The following STAG1 variants were observed in gnomAD, a reference collection of about 807,000 sequenced individuals.
STAG1 encodes the protein cohesin subunit SA-1.
In STAG1, 26 loss-of-function variants were observed where a neutral mutation model predicts 170.9. The ratio of observed to expected loss-of-function variants is 0.15; its 90% CI spans 0.11 to 0.21. The LOEUF is 0.21. Among genes scored for constraint, STAG1 ranks in the 10% least tolerant of loss-of-function variants. The pLI, the probability that STAG1 is intolerant of heterozygous loss-of-function variation, is 1.00. For missense variants in STAG1, 964 were observed against 1,509.5 expected (o/e 0.64, Z 5.99); for synonymous variants, 514 against 497.7 (o/e 1.03, Z -0.44).
In STAG1 at chr3:136,500,162, C is replaced by CA. The variant is rs925996113; in HGVS notation, c.902+60dup. On this transcript the variant is annotated intron_variant, in intron 9 of 33. Coordinates refer to ENST00000383202, the MANE Select transcript of STAG1 (RefSeq NM_005862.3). ...TGAGTTTTACAGTTAGCCTGGGCCACAAAAAAAATCAATAATTGTTTAAGT... is the reference window on the plus strand; with the variant it reads ...TGAGTTTTACAGTTAGCCTGGGCCACAAAAAAAAATCAATAATTGTTTAAGT... The CA allele has an allele frequency of 2.5e-4, 285 of 1,133,028 alleles. 1 individual carries two copies. The highest frequency in any genetic ancestry group is 3.0e-4 in the Non-Finnish European group (233 of 779,116). 70.2% of individuals were successfully genotyped at this position (1,133,028 alleles called of 1,614,324 possible). A position where few individuals can be genotyped will look rare whatever the true frequency, so the allele number is the denominator to read the frequency against.
intron 24 of STAG1, among the ~76,000 whole-genome samples, chr3:136,368,081 T>C (rs1937150031): frequency 6.6e-6 from 1 of 152,252 alleles, no homozygotes; most frequent in South Asian, 2.1e-4. Context: ...GAAGCATCAG[T>C]GGTTTGAGAA....
intron 13 of STAG1, among the ~76,000 whole-genome samples, chr3:136,463,653 G>C (rs1289163017): frequency 6.7e-6 from 1 of 149,968 alleles, no homozygotes; most frequent in Non-Finnish European, 1.5e-5. Context: ...TGAGGTGGGA[G>C]GATCACTTCA....
At chr3:136,611,280 G>A (rs1447167762) in intron 3 of STAG1, among the ~76,000 whole-genome samples, 1 of 151,874 alleles carries the variant, frequency 6.6e-6, no homozygotes, top group Non-Finnish European at 1.5e-5. Flanking sequence ...CTCCCAAGTA[G>A]CTGGGATTAC....
At chr3:136,579,491 T>G (rs966181191) in intron 4 of STAG1, among the ~76,000 whole-genome samples, 5 of 152,198 alleles carry the variant, frequency 3.3e-5, no homozygotes, top group African/African-American at 1.2e-4. Context: ...ATTTCTAAGC[T>G]CACTTAGGTT....
chr3:136,463,683 G>A (rs940453633), intron 13 of STAG1, among the ~76,000 whole-genome samples: 3 of 145,118 alleles, frequency 2.1e-5, no homozygotes, highest in African/African-American at 7.7e-5. Context: ...TTCAAGACCA[G>A]CCTGGGCAAG....
intron 1 of STAG1, among the ~76,000 whole-genome samples, chr3:136,745,763 G>A (rs572979001): frequency 6.6e-6 from 1 of 152,148 alleles, no homozygotes; most frequent in South Asian, 2.1e-4. Context: ...GGCTTCCCTG[G>A]GCCACATTGG....
At chr3:136,750,209 G>C (rs559706884) in intron 1 of STAG1, among the ~76,000 whole-genome samples, 1 of 152,262 alleles carries the variant, frequency 6.6e-6, no homozygotes, top group South Asian at 2.1e-4. Context: ...AAGAGATGGA[G>C]TCTTGTATGT....
At chr3:136,592,537 A>G (rs1480498216) in intron 4 of STAG1, among the ~76,000 whole-genome samples, 1 of 152,158 alleles carries the variant, frequency 6.6e-6, no homozygotes. Context: ...GTGAGAACAA[A>G]CTAATACACT....
At chr3:136,358,312 T>C (rs1936734171) in intron 27 of STAG1, among the ~76,000 whole-genome samples, 2 of 152,084 alleles carry the variant, frequency 1.3e-5, no homozygotes, top group Non-Finnish European at 2.9e-5. Flanking sequence ...CTCAAACTCC[T>C]GGGCTCAAGC....
At chr3:136,350,081 A>G (rs185304404) in intron 28 of STAG1, among the ~76,000 whole-genome samples, 2 of 152,296 alleles carry the variant, frequency 1.3e-5, no homozygotes, top group East Asian at 1.9e-4. Context: ...CGGAGGTTGC[A>G]GTAAGCCAAG....
rs141364970 is a variant in STAG1, at chr3:136,570,560, T to A, written c.298-1699A>T. Among the ~76,000 whole-genome samples, 593 of 152,318 alleles carry A rather than the reference T, an allele frequency of 3.9e-3. 4 individuals are homozygous for A. Among genetic ancestry groups the A allele is most frequent in the Admixed American group, 9.0e-3 (138 of 15,300 alleles). On this transcript the variant is annotated intron_variant, in intron 4 of 33. Coordinates refer to ENST00000383202, the MANE Select transcript of STAG1 (RefSeq NM_005862.3). Reference sequence around the variant, plus strand: ...ATTACAGAACCAAGAGCAGATCTGTTAACACACGTTACACACACGCATCAA... The same window carrying A: ...ATTACAGAACCAAGAGCAGATCTGTAAACACACGTTACACACACGCATCAA...
At chr3:136,585,467 A>C (rs980231913) in intron 4 of STAG1, among the ~76,000 whole-genome samples, 3 of 151,914 alleles carry the variant, frequency 2.0e-5, no homozygotes, top group Non-Finnish European at 2.9e-5. Flanking sequence ...AACATCACAA[A>C]AATTATCTGG....
At chr3:136,508,047 G>A (rs995683431) in intron 7 of STAG1, among the ~76,000 whole-genome samples, 1 of 152,094 alleles carries the variant, frequency 6.6e-6, no homozygotes, top group Non-Finnish European at 1.5e-5. Flanking sequence ...AGGACTGAGT[G>A]GAGAGAGTGA....
chr3:136,417,179 G>A (rs112509223), intron 21 of STAG1, among the ~76,000 whole-genome samples: 27 of 151,980 alleles, frequency 1.8e-4, no homozygotes, highest in African/African-American at 6.0e-4. Context: ...GATTATTATT[G>A]TATCTGTTGA....
At chr3:136,468,245 C>T (rs375709710) in intron 12 of STAG1, among the ~76,000 whole-genome samples, 4 of 151,912 alleles carry the variant, frequency 2.6e-5, no homozygotes, top group East Asian at 3.9e-4. Flanking sequence ...ATCAACAAAA[C>T]TGATAGACCA....
intron 1 of STAG1, among the ~76,000 whole-genome samples, chr3:136,657,015 A>C (rs1342212976): frequency 6.6e-6 from 1 of 151,908 alleles, no homozygotes; most frequent in Non-Finnish European, 1.5e-5. Context: ...ATAGCCAAAA[A>C]AAAAAGAAAC....
At chr3:136,354,897 A>C (rs1296659474) in intron 28 of STAG1, among the ~76,000 whole-genome samples, 4 of 152,138 alleles carry the variant, frequency 2.6e-5, no homozygotes, top group African/African-American at 9.7e-5. Flanking sequence ...TTTAGATTCA[A>C]AGATACAAAG....
intron 1 of STAG1, among the ~76,000 whole-genome samples, chr3:136,677,473 G>A (rs1419522351): frequency 1.3e-5 from 2 of 152,136 alleles, no homozygotes; most frequent in African/African-American, 2.4e-5. Flanking sequence ...CTGGAGAAAC[G>A]AGAATTGCTA....
chr3:136,602,764 T>A (rs1028361435), intron 4 of STAG1, among the ~76,000 whole-genome samples: 1 of 151,982 alleles, frequency 6.6e-6, no homozygotes, highest in African/African-American at 2.4e-5. Flanking sequence ...GGCACAAGAA[T>A]CCCTTGAACC....
Sources: allele counts gnomAD v4.1 joint callset (sites outside exome capture counted in the v4.1 genomes callset), GRCh38; gene constraint gnomAD v4.1.1; transcripts MANE v1.5; gene names NCBI Gene and HGNC (gene_info 2026-07-23, HGNC 2026-07-21).